PIGN: variants seen among roughly 807,000 people sequenced by gnomAD.
PIGN encodes phosphatidylinositol glycan anchor biosynthesis class N.
In PIGN, 117 loss-of-function variants were observed where a neutral mutation model predicts 125.4. The observed-to-expected ratio is 0.93, with a 90% CI of 0.80 to 1.09. PIGN has a LOEUF of 1.09. Ranked by LOEUF, PIGN falls within the 50% of genes least tolerant of loss-of-function variation. The probability of loss-of-function intolerance (pLI) is 0.00; values close to 1 mark genes in which losing one functional copy is unlikely to be tolerated. For synonymous variants in PIGN, 392 were observed against 377.8 expected (o/e 1.04, Z -0.44); for missense variants, 1,075 against 1,094.9 (o/e 0.98, Z 0.26).
At position 62,105,391 on chromosome 18, in the gene PIGN, A is replaced by T. The variant is rs17069452; in HGVS notation, c.1859+152T>A. 8,197 of 542,664 alleles carry T rather than the reference A, an allele frequency of 0.015. 230 individuals are homozygous for T. Among genetic ancestry groups the T allele is most frequent in the African/African-American group, 0.058 (3,044 of 52,340 alleles). 33.6% of individuals were successfully genotyped at this position (542,664 alleles called of 1,614,324 possible). A position where few individuals can be genotyped will look rare whatever the true frequency, so the allele number is the denominator to read the frequency against. On this transcript the variant is annotated intron_variant, in intron 20 of 30. Transcript: ENST00000640252. ...TAATGACTCTTAGAACCTAGGCCAA[A>T]ATCATGACTAATGGTTTGATATTGG...
At chr18:62,091,201 A>C (rs1467694202) in intron 23 of PIGN, among the ~76,000 whole-genome samples, 1 of 152,078 alleles carries the variant, frequency 6.6e-6, no homozygotes, top group Admixed American at 6.5e-5. Flanking sequence ...ACAAAAAATT[A>C]GCCGGGTGTG....
intron 30 of PIGN, among the ~76,000 whole-genome samples, chr18:62,062,378 C>G (rs929909176): frequency 3.9e-5 from 6 of 152,188 alleles, no homozygotes; most frequent in African/African-American, 1.4e-4. Context: ...TTTCTTATAC[C>G]TGCCTTTGAG....
At chr18:62,079,451 C>T (rs2033343120) in intron 28 of PIGN, among the ~76,000 whole-genome samples, 1 of 152,156 alleles carries the variant, frequency 6.6e-6, no homozygotes, top group South Asian at 2.1e-4. Flanking sequence ...CTGAAAATGG[C>T]TAATGCCACA....
intron 12 of PIGN, 44 bp downstream of exon 12, chr18:62,140,376 T>C (rs547191402): frequency 1.5e-5 from 13 of 847,952 alleles, no homozygotes; most frequent in Non-Finnish European, 2.4e-5. Flanking sequence ...TGTGCGATAG[T>C]TTTTTTTTAT....
intron 17 of PIGN, among the ~76,000 whole-genome samples, chr18:62,109,598 C>A (rs1216550587): frequency 1.3e-5 from 2 of 151,960 alleles, no homozygotes; most frequent in Non-Finnish European, 2.9e-5. Context: ...AAGAAGTGAA[C>A]ACTGCCACTT....
chr18:62,032,978 A>G (rs2030211260), intron 23 of PIGN, among the ~76,000 whole-genome samples: 1 of 152,236 alleles, frequency 6.6e-6, no homozygotes, highest in Admixed American at 6.5e-5. Flanking sequence ...AGATGCAGAC[A>G]AAAGTTTTTA....
chr18:62,020,371 T>C (rs1016359477), intron 23 of PIGN, among the ~76,000 whole-genome samples: 3 of 152,156 alleles, frequency 2.0e-5, no homozygotes, highest in African/African-American at 7.2e-5. Flanking sequence ...CATTCATAAT[T>C]TATAGCATAC....
chr18:62,098,313 G>C (rs2034294551), intron 22 of PIGN, among the ~76,000 whole-genome samples: 1 of 152,048 alleles, frequency 6.6e-6, no homozygotes, highest in Admixed American at 6.5e-5. Flanking sequence ...TTTTTTTCCA[G>C]ATGTGTAGCT....
chr18:62,057,017 A>G (rs11659635), intron 30 of PIGN, among the ~76,000 whole-genome samples: 52,405 of 151,832 alleles, frequency 0.35, 10,066 homozygotes, highest in East Asian at 0.7. Context: ...TGCACCCTTC[A>G]CCCCATCCGT....
At chr18:62,123,939 T>C (rs1361152889) in intron 14 of PIGN, among the ~76,000 whole-genome samples, 2 of 150,026 alleles carry the variant, frequency 1.3e-5, no homozygotes, top group African/African-American at 4.9e-5. Flanking sequence ...AAAAAAAAAG[T>C]GAGACAAAAC....
At chr18:62,145,858 G>A in intron 10 of PIGN, 51 bp downstream of exon 10, 1 of 889,874 alleles carries the variant, frequency 1.1e-6, no homozygotes, top group Non-Finnish European at 1.8e-6. Context: ...TTTAAACTTT[G>A]TTCTTATTTT....
intron 1 of PIGN, among the ~76,000 whole-genome samples, chr18:62,181,267 A>C (rs1392002519): frequency 1.3e-5 from 2 of 152,220 alleles, no homozygotes; most frequent in African/African-American, 4.8e-5. Context: ...TGAAAAGGAT[A>C]CATCTCATAA....
chr18:62,086,241 G>C (rs896451656), intron 25 of PIGN, among the ~76,000 whole-genome samples: 3 of 152,208 alleles, frequency 2.0e-5, no homozygotes, highest in African/African-American at 7.2e-5. Flanking sequence ...GAGTAAAAAG[G>C]CTTGACAGAT....
At chr18:62,067,984 G>A (rs1653224) in intron 30 of PIGN, among the ~76,000 whole-genome samples, 139,163 of 152,262 alleles carry the variant, frequency 0.91, 63,717 homozygotes, top group African/African-American at 0.97. Flanking sequence ...TAGGATGAGC[G>A]GGAGGGATGC....
At chr18:62,114,695 T>C in intron 14 of PIGN, 56 bp from the exon 15 acceptor site, 1 of 750,414 alleles carries the variant, frequency 1.3e-6, no homozygotes, top group Non-Finnish European at 2.0e-6. Flanking sequence ...AGTATATGTT[T>C]CTTTTTTCCC....
Position 62,109,831 on chromosome 18 carries a change from T to C in PIGN, c.1574+3A>G. On this transcript the variant is annotated splice_donor_region_variant and intron_variant, in intron 17 of 30. Coordinates refer to ENST00000640252, the MANE Select transcript of PIGN (RefSeq NM_176787.5). ...AAACAAGGCAGCAAGATGCATTACT[T>C]ACTCTCTTAGAACCGCATACCATAT... 1.3e-6 allele frequency: 2 copies of C among 1,597,814 alleles called. No homozygotes were observed. Among genetic ancestry groups the C allele is most frequent in the African/African-American group, 1.3e-5 (1 of 74,464 alleles).
intron 1 of PIGN, among the ~76,000 whole-genome samples, chr18:62,178,331 T>G (rs1273738158): frequency 6.6e-6 from 1 of 151,930 alleles, no homozygotes. Context: ...CAGTTGATCC[T>G]GTCACTCTGC....
intron 27 of PIGN, among the ~76,000 whole-genome samples, chr18:62,083,957 T>C (rs1573402): frequency 0.91 from 139,084 of 152,178 alleles, 63,679 homozygotes; most frequent in African/African-American, 0.97. Flanking sequence ...CTAAGTAAAA[T>C]GTGTCAGGCA....
chr18:62,168,216 T>A (rs890461919), intron 1 of PIGN, among the ~76,000 whole-genome samples: 6 of 152,268 alleles, frequency 3.9e-5, no homozygotes, highest in Admixed American at 3.3e-4. Flanking sequence ...AAGTTCAATT[T>A]ACCAACTTTT....
Sources: gnomAD v4.1 joint callset for allele counts (sites outside exome capture counted in the v4.1 genomes callset) on GRCh38, gnomAD v4.1.1 for gene constraint, MANE v1.5 for transcripts, NCBI Gene and HGNC (gene_info 2026-07-23, HGNC 2026-07-21) for gene names.